Variants in ZNF608 observed in about 807,000 individuals in gnomAD.
ZNF608 encodes the protein zinc finger protein 608.
Under a neutral mutation model 109.0 loss-of-function variants are expected in ZNF608, and 12 were observed. The observed-to-expected ratio is 0.11, with a 90% CI of 0.07 to 0.18. ZNF608 has a LOEUF of 0.18. Ranked by LOEUF, ZNF608 falls within the 10% of genes least tolerant of loss-of-function variation. The pLI is 1.00. For synonymous variants in ZNF608, 732 were observed against 717.4 expected, an observed-to-expected ratio of 1.02 and a Z score of -0.33; for missense variants, 1,707 against 1,879.3, an observed-to-expected ratio of 0.91 and a Z score of 1.70.
chr5:124,699,034 C>G (rs559146369), intron 3 of ZNF608, among the ~76,000 whole-genome samples: 1 of 152,168 alleles, frequency 6.6e-6, no homozygotes, highest in East Asian at 1.9e-4. Context: ...CAGCATTTCA[C>G]GCTAATGAGT....
At chr5:124,730,587 T>C (rs974456990) in intron 2 of ZNF608, among the ~76,000 whole-genome samples, 1 of 152,248 alleles carries the variant, frequency 6.6e-6, no homozygotes, top group African/African-American at 2.4e-5. Context: ...AAGGAGACTT[T>C]AAGCCTTTAA....
intron 2 of ZNF608, among the ~76,000 whole-genome samples, chr5:124,728,202 G>C (rs1748705605): frequency 6.6e-6 from 1 of 152,086 alleles, no homozygotes; most frequent in Admixed American, 6.5e-5. Flanking sequence ...CCATACCTTG[G>C]TCTTGAAAAG....
intron 3 of ZNF608, among the ~76,000 whole-genome samples, chr5:124,670,289 T>C (rs1174734329): frequency 1.3e-5 from 2 of 151,892 alleles, no homozygotes; most frequent in Non-Finnish European, 2.9e-5. Flanking sequence ...ATGTGCTAAA[T>C]AAAGCACTGG....
At chr5:124,694,275 G>C (rs1377800035) in intron 3 of ZNF608, among the ~76,000 whole-genome samples, 2 of 147,810 alleles carry the variant, frequency 1.4e-5, no homozygotes, top group Non-Finnish European at 3.0e-5. Context: ...TTACAGGCTT[G>C]AGCCACTGCG....
intron 3 of ZNF608, among the ~76,000 whole-genome samples, chr5:124,669,372 A>G (rs1192188173): frequency 6.6e-6 from 1 of 152,184 alleles, no homozygotes. Flanking sequence ...TGTGCTTTCC[A>G]CAATGGAAGA....
Position 124,644,320 on chromosome 5 carries a change from A to G in ZNF608, c.4047T>C (p.Tyr1349=). The G allele has an allele frequency of 1.9e-6, 3 of 1,614,198 alleles. No individual in the cohort carries two copies. The highest frequency in any genetic ancestry group is 2.5e-6 in the Non-Finnish European group (3 of 1,180,028). ...TGGGGTCGTACATCTGTGGGTAAGG[A>G]TAAGCATGCAAGTACTGTATGTATG... is the stretch of plus-strand genomic sequence containing the variant. The part of the protein sequence containing the change: ...HQSYIQYLHA[Y]PYPQMYDPSH... Residue 1349 remains tyrosine, a synonymous_variant, in exon 6 of 10, where the codon TAT becomes TAC. Coordinates refer to ENST00000513986, the MANE Select transcript of ZNF608 (RefSeq NM_020747.3).
intron 3 of ZNF608, among the ~76,000 whole-genome samples, chr5:124,683,250 C>T (rs1459070198): frequency 6.6e-6 from 1 of 152,202 alleles, no homozygotes; most frequent in South Asian, 2.1e-4. Flanking sequence ...TTGAAACCTT[C>T]TGAGACAACC....
intron 3 of ZNF608, among the ~76,000 whole-genome samples, chr5:124,694,027 G>A (rs1182784705): frequency 8.9e-6 from 1 of 112,268 alleles, no homozygotes; most frequent in African/African-American, 3.5e-5. Context: ...CCAGGCTAGA[G>A]TGCAGTGGCG....
intron 2 of ZNF608, among the ~76,000 whole-genome samples, chr5:124,724,224 A>G (rs1314137226): frequency 6.6e-6 from 1 of 152,158 alleles, no homozygotes; most frequent in Non-Finnish European, 1.5e-5. Context: ...ATAAATATAT[A>G]TTCTTGAACA....
At chr5:124,710,527 G>T (rs77414275) in intron 2 of ZNF608, 9,396 of 242,898 alleles carry the variant, frequency 0.039, 425 homozygotes, top group East Asian at 0.16. Flanking sequence ...TCGTGGGTCG[G>T]CTACAGAAGA....
intron 9 of ZNF608, 66 bp from the exon 10 acceptor site, chr5:124,637,972 C>T (rs888136805): frequency 2.2e-5 from 35 of 1,587,394 alleles, no homozygotes; most frequent in Admixed American, 8.5e-5. Flanking sequence ...TTTTTTGAGT[C>T]GGAGTTTTGC....
intron 2 of ZNF608, 88 bp from the exon 3 acceptor site, chr5:124,701,357 C>A (rs1415767599): frequency 6.8e-7 from 1 of 1,474,824 alleles, no homozygotes; most frequent in African/African-American, 1.4e-5. Context: ...TAGAATATAT[C>A]ACCATTCCAA....
intron 3 of ZNF608, among the ~76,000 whole-genome samples, chr5:124,654,181 T>C (rs1750911418): frequency 6.6e-6 from 1 of 152,030 alleles, no homozygotes; most frequent in African/African-American, 2.4e-5. Context: ...TCCTGCTCAC[T>C]GTCTTTTTCC....
chr5:124,695,230 G>T (rs191854900), intron 3 of ZNF608, among the ~76,000 whole-genome samples: 4 of 152,220 alleles, frequency 2.6e-5, no homozygotes, highest in Admixed American at 2.6e-4. Flanking sequence ...AAGTTGAATT[G>T]ATAAAGTCAC....
rs1431782359 is a variant in ZNF608 at position 124,647,771 on chromosome 5, A to C, written c.2613T>G (p.Ser871=). 6.2e-7 allele frequency: 1 copy of C among 1,613,922 alleles called. No homozygotes were observed. The highest frequency in any genetic ancestry group is 1.3e-5 in the African/African-American group (1 of 74,916). ...NEGLANGLSE[S]QESRMASIKA... is the part of the protein sequence containing the mutation. ...TGATACTGGCCATGCGGCTCTCCTG[A>C]GACTCCGACAGTCCATTTGCCAGCC... Residue 871 remains serine (S), a synonymous_variant, in exon 5 of 10, where the codon TCT becomes TCG. Coordinates refer to ENST00000513986, the MANE Select transcript of ZNF608 (RefSeq NM_020747.3).
Position 124,744,460 on chromosome 5 carries a change from G to T in ZNF608, c.530C>A (p.Ala177Asp). Residue 177 changes from alanine to aspartate, a missense_variant, in exon 2 of 10, where the codon GCC (alanine) becomes GAC (aspartate). By Grantham distance (126) the Ala-to-Asp change is moderately radical (BLOSUM62 -2). Transcript: ENST00000513986. The surrounding 1 kb of genome is among the most constrained non-coding windows in gnomAD (Gnocchi z 4.5). ...SNSTSTSTSAATAGAGSCGKS... is the reference protein window; with the variant it reads ...SNSTSTSTSADTAGAGSCGKS... ...CCCACAGGAGCCTGCCCCCGCGGTG[G>T]CGGCAGAGGTGCTGGTGCTGGTACT... 2 of 1,614,228 alleles carry T rather than the reference G, an allele frequency of 1.2e-6. No homozygotes were observed. Among genetic ancestry groups the T allele is most frequent in the South Asian group, 1.1e-5 (1 of 91,088 alleles).
chr5:124,661,700 G>A (rs192058508), intron 3 of ZNF608, among the ~76,000 whole-genome samples: 1 of 152,270 alleles, frequency 6.6e-6, no homozygotes, highest in Admixed American at 6.5e-5. Flanking sequence ...CAGCCTGCTC[G>A]GTGTCACTGC....
chr5:124,702,432 T>TATC (rs1753088617), intron 2 of ZNF608, among the ~76,000 whole-genome samples: 1 of 151,844 alleles, frequency 6.6e-6, no homozygotes, highest in African/African-American at 2.4e-5. Context: ...ATTCTGCTGT[T>TATC]CACTGTAAGT....
At chr5:124,706,956 G>C (rs1753286626) in intron 2 of ZNF608, among the ~76,000 whole-genome samples, 1 of 152,182 alleles carries the variant, frequency 6.6e-6, no homozygotes, top group African/African-American at 2.4e-5. Context: ...GGAAGAAAAG[G>C]TTATTTACAC....
Sources: gnomAD v4.1 joint callset for allele counts (sites outside exome capture counted in the v4.1 genomes callset) on GRCh38, gnomAD v4.1.1 for gene constraint, Gnocchi (gnomAD v3.1) non-coding constraint, MANE v1.5 for transcripts, NCBI Gene and HGNC (gene_info 2026-07-23, HGNC 2026-07-21) for gene names.